Variants in RIMS2 observed in about 807,000 individuals in gnomAD.
The protein encoded by RIMS2 is regulating synaptic membrane exocytosis protein 2.
RIMS2 carries 59 observed loss-of-function variants against 174.4 expected under a neutral mutation model. The ratio of observed to expected loss-of-function variants is 0.34; its 90% CI spans 0.27 to 0.42. The LOEUF (loss-of-function observed/expected upper bound fraction) is 0.42, where lower values mean the gene tolerates loss of function less well. RIMS2 is among the 10% of genes least tolerant of loss of function. The pLI is 1.00. For synonymous variants in RIMS2, 606 were observed against 572.5 expected, an observed-to-expected ratio of 1.06 and a Z score of -0.84; for missense variants, 1,620 against 1,666.3, an observed-to-expected ratio of 0.97 and a Z score of 0.48.
chr8:103,844,155 C>G (rs1000976255), intron 3 of RIMS2, among the ~76,000 whole-genome samples: 1 of 152,212 alleles, frequency 6.6e-6, no homozygotes, highest in South Asian at 2.1e-4. Context: ...CATTAAACCT[C>G]TTTCCTTTGT....
chr8:104,096,986 G>A (rs950807858), intron 19 of RIMS2, among the ~76,000 whole-genome samples: 4 of 152,118 alleles, frequency 2.6e-5, no homozygotes, highest in Non-Finnish European at 5.9e-5. Context: ...AGTCTTTATT[G>A]TGAGAGAAAA....
At chr8:103,739,191 A>G (rs2097727310) in intron 2 of RIMS2, among the ~76,000 whole-genome samples, 1 of 152,026 alleles carries the variant, frequency 6.6e-6, no homozygotes, top group South Asian at 2.1e-4. Flanking sequence ...ATGGAATACT[A>G]TGCAGCCATA....
chr8:104,140,660 T>C (rs1408399564), intron 19 of RIMS2, among the ~76,000 whole-genome samples: 4 of 152,176 alleles, frequency 2.6e-5, no homozygotes, highest in African/African-American at 9.7e-5. Context: ...TTTTTGTCAA[T>C]TTCAGTCCCC....
intron 1 of RIMS2, among the ~76,000 whole-genome samples, chr8:103,554,695 A>C (rs891063030): frequency 6.6e-6 from 1 of 152,176 alleles, no homozygotes; most frequent in Admixed American, 6.5e-5. Flanking sequence ...TACCTACCCA[A>C]AGGAATATAA....
At chr8:104,015,985 C>T (rs1309339953) in intron 19 of RIMS2, among the ~76,000 whole-genome samples, 1 of 152,002 alleles carries the variant, frequency 6.6e-6, no homozygotes, top group Non-Finnish European at 1.5e-5. Context: ...TACAGTATAT[C>T]AGAGTTAAAT....
At chr8:104,221,100 G>C (rs1445935084) in intron 19 of RIMS2, among the ~76,000 whole-genome samples, 2 of 151,994 alleles carry the variant, frequency 1.3e-5, no homozygotes, top group Non-Finnish European at 2.9e-5. Context: ...GGTAACAGCT[G>C]TTTCCTCTTA....
chr8:104,239,816 G>A (rs900132932), intron 19 of RIMS2, among the ~76,000 whole-genome samples: 3 of 152,152 alleles, frequency 2.0e-5, no homozygotes, highest in Admixed American at 6.5e-5. Flanking sequence ...AGTCTGGCAC[G>A]TTTGGCTGGG....
intron 3 of RIMS2, among the ~76,000 whole-genome samples, chr8:103,790,051 C>T (rs374361667): frequency 3.3e-5 from 5 of 152,220 alleles, no homozygotes; most frequent in Admixed American, 2.0e-4. Context: ...TATGAGCCAC[C>T]CTGCCCAGCA....
At chr8:104,173,489 T>C (rs1393648732) in intron 19 of RIMS2, among the ~76,000 whole-genome samples, 1 of 152,116 alleles carries the variant, frequency 6.6e-6, no homozygotes, top group Non-Finnish European at 1.5e-5. Context: ...AAGTAATCTT[T>C]AATTTTTTTA....
intron 19 of RIMS2, among the ~76,000 whole-genome samples, chr8:104,240,287 C>G (rs1468133968): frequency 1.3e-5 from 2 of 152,150 alleles, no homozygotes; most frequent in Admixed American, 1.3e-4. Context: ...TTAGAATTCT[C>G]CCTACCACAT....
chr8:103,519,511 G>T (rs1563617355), intron 1 of RIMS2, among the ~76,000 whole-genome samples: 1 of 151,714 alleles, frequency 6.6e-6, no homozygotes, highest in East Asian at 1.9e-4. Flanking sequence ...TCTCAGCTTT[G>T]TCCCAGCTCT....
chr8:103,992,274 ATTTTTTTTTTT>A (rs1186537194), intron 17 of RIMS2, among the ~76,000 whole-genome samples: 1 of 107,106 alleles, frequency 9.3e-6, no homozygotes, highest in Non-Finnish European at 1.8e-5. Context: ...ATGTCCAGCT[ATTTTTTTTTTT>A]TTTTTTTTTT....
At chr8:104,170,057 G>A (rs1048920180) in intron 19 of RIMS2, among the ~76,000 whole-genome samples, 2 of 151,978 alleles carry the variant, frequency 1.3e-5, no homozygotes, top group Non-Finnish European at 2.9e-5. Context: ...TTTCATAAAT[G>A]TATTGAGACT....
chr8:103,737,468 T>A (rs553792140), intron 2 of RIMS2, among the ~76,000 whole-genome samples: 1 of 150,530 alleles, frequency 6.6e-6, no homozygotes, highest in East Asian at 2.0e-4. Flanking sequence ...ATTATAGGAG[T>A]GAACCACTGT....
At position 103,934,723 on chromosome 8, in the gene RIMS2, GTT is replaced by G. The variant is rs2080840744; in HGVS notation, c.2376-1826_2376-1825del. On this transcript the variant is annotated intron_variant, in intron 12 of 23. Transcript: ENST00000504942. ...TCTTTTTTTTTTTTTTTGAGACAGA[GTT>G]TCACTCTTTTTGCCCAGGCTGGAGT... Among the ~76,000 whole-genome samples the G allele has an allele frequency of 4.1e-5, 6 of 145,716 alleles. No individual in the cohort carries two copies. The Admixed American group carries it at 4.1e-4, about 10-fold the overall frequency.
At chr8:104,177,931 G>A (rs1180856043) in intron 19 of RIMS2, among the ~76,000 whole-genome samples, 1 of 152,070 alleles carries the variant, frequency 6.6e-6, no homozygotes, top group African/African-American at 2.4e-5. Context: ...TTCTAGACTT[G>A]AAAGAAGATG....
chr8:103,632,944 AGGATGAT>A (rs2095975032), intron 1 of RIMS2, among the ~76,000 whole-genome samples: 1 of 148,926 alleles, frequency 6.7e-6, no homozygotes, highest in Non-Finnish European at 1.5e-5. Flanking sequence ...TATGTTAACC[AGGATGAT>A]CTCTATCTCC....
intron 19 of RIMS2, among the ~76,000 whole-genome samples, chr8:104,145,119 CTTATT>C (rs1187055977): frequency 4.6e-5 from 7 of 151,926 alleles, no homozygotes; most frequent in Non-Finnish European, 2.9e-5. Context: ...TTCCCCTTGT[CTTATT>C]TTGTTTTGTT....
intron 14 of RIMS2, among the ~76,000 whole-genome samples, chr8:103,959,813 T>C (rs2089256177): frequency 6.6e-6 from 1 of 152,206 alleles, no homozygotes; most frequent in African/African-American, 2.4e-5. Flanking sequence ...TACCTTTGGC[T>C]TCCTCACTGA....
Sources: gnomAD v4.1 joint callset for allele counts (sites outside exome capture counted in the v4.1 genomes callset) on GRCh38, gnomAD v4.1.1 for gene constraint, MANE v1.5 for transcripts, NCBI Gene and HGNC (gene_info 2026-07-23, HGNC 2026-07-21) for gene names.